The following UBASH3A variants were observed in gnomAD, a reference collection of about 807,000 sequenced individuals.
The protein encoded by UBASH3A is ubiquitin-associated and SH3 domain-containing protein A.
Under a neutral mutation model 73.5 loss-of-function variants are expected in UBASH3A, and 63 were observed. That is an observed-to-expected ratio of 0.86 (90% confidence interval 0.70 to 1.06). The LOEUF (loss-of-function observed/expected upper bound fraction) is 1.06, where lower values mean the gene tolerates loss of function less well. UBASH3A is among the 50% of genes least tolerant of loss of function. The pLI is 0.00. For synonymous variants in UBASH3A, 363 were observed against 351.1 expected (o/e 1.03, Z -0.38); for missense variants, 860 against 859.0 (o/e 1.00, Z -0.02).
rs955202247 is a variant in UBASH3A, at chr21:42,425,581, C to T, written c.1047-1116C>T. Among the ~76,000 whole-genome samples the T allele has an allele frequency of 6.6e-5, 10 of 152,342 alleles. No individual in the cohort carries two copies. The South Asian group carries it at 1.7e-3, about 25-fold the overall frequency. On this transcript the variant is annotated intron_variant, in intron 7 of 14. Transcript: ENST00000319294. ...TTAGGATCAACTCAAGTGTGCATTTCCTATCTAATGGCATCTGACAGCTTG... is the reference window on the plus strand; with the variant it reads ...TTAGGATCAACTCAAGTGTGCATTTTCTATCTAATGGCATCTGACAGCTTG...
Position 42,413,207 on chromosome 21 carries a change from G to A in UBASH3A, c.538G>A (p.Ala180Thr). Reference sequence around the variant, plus strand: ...ATTCGCCATGACCTTCGCCACGGAAGCATCTCTCTTAGCAGGTGGGCAGCC... The same window carrying A: ...ATTCGCCATGACCTTCGCCACGGAAACATCTCTCTTAGCAGGTGGGCAGCC... ...REFAMTFATE[A>T]SLLAGTSVSR... Residue 180 changes from alanine to threonine, a missense_variant, in exon 4 of 15, where the codon GCA (alanine) becomes ACA (threonine). By Grantham distance (58) the Ala-to-Thr change is moderately conservative. Coordinates refer to ENST00000319294, the MANE Select transcript of UBASH3A (RefSeq NM_018961.4). The surrounding 1 kb of genome is among the most constrained non-coding windows in gnomAD (Gnocchi z 4.5). The A allele has an allele frequency of 6.2e-7, 1 of 1,614,204 alleles. No homozygotes were observed. Among genetic ancestry groups the A allele is most frequent in the Non-Finnish European group, 8.5e-7 (1 of 1,180,034 alleles).
Position 42,404,007 on chromosome 21 carries a change from GC to G in UBASH3A, c.66del (p.Ser23ArgfsTer17). 1.3e-6 allele frequency: 2 copies of G among 1,529,146 alleles called. No individual in the cohort carries two copies. Among genetic ancestry groups the G allele is most frequent in the Non-Finnish European group, 1.8e-6 (2 of 1,134,358 alleles). 94.7% of individuals were successfully genotyped at this position (1,529,146 alleles called of 1,614,324 possible). On this transcript the variant is annotated frameshift_variant, in exon 1 of 15. Coordinates refer to ENST00000319294, the MANE Select transcript of UBASH3A (RefSeq NM_018961.4). LOFTEE classifies it high-confidence loss of function. Reference sequence around the variant, plus strand: ...TCCAACAAGCTCAAGAGCCGCAGCAGCCCCTCGCTCCTGGAGCCCCTCCTGG... The same window carrying G: ...TCCAACAAGCTCAAGAGCCGCAGCAGCCCTCGCTCCTGGAGCCCCTCCTGG... ...KVSNKLKSRSSPSLLEPLLAM... is the reference protein window; with the variant it reads ...KVSNKLKSRSXPSLLEPLLAM...
intron 12 of UBASH3A, 63 bp downstream of exon 12, chr21:42,442,659 A>T (rs1250454073): frequency 1.3e-6 from 2 of 1,533,172 alleles, no homozygotes; most frequent in African/African-American, 2.8e-5. Context: ...GAAAAATTTC[A>T]TGACACTGTT....
Position 42,426,819 on chromosome 21 carries a change from A to G in UBASH3A, c.1169A>G (p.Gln390Arg). The G allele has an allele frequency of 6.2e-7, 1 of 1,613,678 alleles. No individual in the cohort carries two copies. Among genetic ancestry groups the G allele is most frequent in the Non-Finnish European group, 8.5e-7 (1 of 1,179,800 alleles). ...AGTCTTAGCAGCTTACAGGCCTTGC[A>G]GGTAATAGAACATTCCCTTTTTTCT... The part of the protein sequence containing the change: ...ARSLSSLQAL[Q>R]ATVARKSVLV... The change falls in exon 8 of 15, where the codon CAG becomes CGG. Residue 390 changes from glutamine to arginine, a missense_variant and splice_region_variant. By Grantham distance (43) the Gln-to-Arg change is conservative. Transcript: ENST00000319294.
chr21:42,418,548 G>T lies in UBASH3A; in HGVS notation c.985G>T (p.Gly329Cys). The T allele has an allele frequency of 1.2e-6, 2 of 1,614,170 alleles. No homozygotes were observed. The highest frequency in any genetic ancestry group is 1.7e-6 in the Non-Finnish European group (2 of 1,180,026). The change falls in exon 7 of 15, where the codon GGC becomes TGC. Residue 329 changes from glycine to cysteine, a missense_variant. Gly to Cys is a radical substitution (Grantham distance 159). Coordinates refer to ENST00000319294, the MANE Select transcript of UBASH3A (RefSeq NM_018961.4). ...IGISQRTGCR[G>C]FLPENYTDRA... The stretch of plus-strand genomic sequence containing the variant: ...GATCTCACAGCGGACGGGCTGCCGG[G>T]GCTTCCTGCCGGAAAACTACACGGA...
chr21:42,410,069 G>A, intron 3 of UBASH3A: 1 of 702,088 alleles, frequency 1.4e-6, no homozygotes, highest in Admixed American at 2.0e-5. Flanking sequence ...ACTCAAGGAT[G>A]GGTGATTGTT....
Position 42,409,562 on chromosome 21 carries a change from G to C in UBASH3A, c.308G>C (p.Arg103Thr). 1 of 1,614,088 alleles carries C rather than the reference G, an allele frequency of 6.2e-7. No homozygotes were observed. The highest frequency in any genetic ancestry group is 8.5e-7 in the Non-Finnish European group (1 of 1,180,014). Residue 103 changes from arginine to threonine, a missense_variant, in exon 3 of 15, where the codon AGA (arginine) becomes ACA (threonine). Arg to Thr is a moderately conservative substitution (Grantham distance 71). Coordinates refer to ENST00000319294, the MANE Select transcript of UBASH3A (RefSeq NM_018961.4). ...RESKRQCAKN[R>T]AHEVFPHVTL... is the part of the protein sequence containing the mutation. Reference sequence around the variant, plus strand: ...AGCAAGCGCCAGTGTGCAAAGAACAGAGCTCATGAGGTCTTCCCACACGTG... The same window carrying C: ...AGCAAGCGCCAGTGTGCAAAGAACACAGCTCATGAGGTCTTCCCACACGTG...
Position 42,447,431 on chromosome 21 carries a change from G to A in UBASH3A, c.*237G>A, listed in dbSNP as rs2053863151. On this transcript the variant is annotated 3_prime_UTR_variant, in exon 15 of 15. Coordinates refer to ENST00000319294, the MANE Select transcript of UBASH3A (RefSeq NM_018961.4). ...GGGAGCACAGGGCAGGTGGCTGGGT[G>A]AGGATGCCGCCCTGCAGCATGTACA... 3 of 460,698 alleles carry A rather than the reference G, an allele frequency of 6.5e-6. No homozygotes were observed. The highest frequency in any genetic ancestry group is 4.1e-5 in the Admixed American group (1 of 24,486). 28.5% of individuals were successfully genotyped at this position (460,698 alleles called of 1,614,324 possible).
At chr21:42,443,255 C>G in intron 12 of UBASH3A, 57 bp from the exon 13 acceptor site, 1 of 1,536,422 alleles carries the variant, frequency 6.5e-7, no homozygotes, top group Non-Finnish European at 8.8e-7. Flanking sequence ...TGCAGCTGAG[C>G]CTTCCTAATC....
intron 3 of UBASH3A, among the ~76,000 whole-genome samples, chr21:42,412,094 T>A (rs2053110343): frequency 6.6e-6 from 1 of 152,176 alleles, no homozygotes; most frequent in African/African-American, 2.4e-5. Context: ...GGTGTCTGGG[T>A]TTCCCCTGTG....
intron 13 of UBASH3A, among the ~76,000 whole-genome samples, chr21:42,443,667 G>C (rs1393432429): frequency 7.2e-6 from 1 of 139,358 alleles, no homozygotes; most frequent in Non-Finnish European, 1.5e-5. Flanking sequence ...TGATGGGAGG[G>C]GAATGATCTC....
rs200166504 is a variant in UBASH3A at position 42,444,584 on chromosome 21, C to T, written c.1789C>T (p.Arg597Trp). 1.2e-5 allele frequency: 20 copies of T among 1,614,172 alleles called. No individual in the cohort carries two copies. The highest frequency in any genetic ancestry group is 1.6e-4 in the Middle Eastern group (1 of 6,062). The change falls in exon 14 of 15, where the codon CGG becomes TGG. Residue 597 changes from arginine (R) to tryptophan (W), a missense_variant. Arg to Trp is a moderately radical substitution (Grantham distance 101, BLOSUM62 -3). Coordinates refer to ENST00000319294, the MANE Select transcript of UBASH3A (RefSeq NM_018961.4). ...CGGCTCCACTCTGGACTCCTGCACG[C>T]GGCCACTGCTCGGGCTGCCGCCCCG... ...SHGSTLDSCT[R>W]PLLGLPPREC...
chr21:42,410,991 C>T (rs2053081728), intron 3 of UBASH3A, among the ~76,000 whole-genome samples: 1 of 151,056 alleles, frequency 6.6e-6, no homozygotes, highest in Admixed American at 6.6e-5. Flanking sequence ...TGCATACAGA[C>T]ATACATAGAT....
chr21:42,445,906 C>T (rs2146617611), intron 14 of UBASH3A, among the ~76,000 whole-genome samples: 1 of 152,248 alleles, frequency 6.6e-6, no homozygotes, highest in East Asian at 1.9e-4. Context: ...CTGTCCGGGG[C>T]AGCCCCGGCA....
intron 12 of UBASH3A, 137 bp downstream of exon 12, chr21:42,442,733 G>A: frequency 1.1e-6 from 1 of 937,446 alleles, no homozygotes; most frequent in South Asian, 1.7e-5. Context: ...GCAGGGGAGA[G>A]AGGTGGGGCT....
intron 6 of UBASH3A, among the ~76,000 whole-genome samples, chr21:42,418,020 A>T (rs1362630692): frequency 6.6e-6 from 1 of 150,870 alleles, no homozygotes; most frequent in Non-Finnish European, 1.5e-5. Flanking sequence ...AGTAGCTGGG[A>T]CTACAGGCAC....
At position 42,416,473 on chromosome 21, in the gene UBASH3A, G is replaced by A; in HGVS notation, c.699G>A (p.Leu233=). ...YCSVKPCTKQ[L]HLTLAHKFYP... is the part of the protein sequence containing the mutation. ...CCGTGAAGCCTTGCACCAAACAGCT[G>A]CATCTGACCTTGGCCCACAAGTTCT... Residue 233 remains leucine (L), a synonymous_variant, in exon 6 of 15, where the codon CTG becomes CTA. Coordinates refer to ENST00000319294, the MANE Select transcript of UBASH3A (RefSeq NM_018961.4). The A allele has an allele frequency of 6.3e-7, 1 of 1,599,576 alleles. No homozygotes were observed. Among genetic ancestry groups the A allele is most frequent in the Non-Finnish European group, 8.5e-7 (1 of 1,173,498 alleles).
intron 10 of UBASH3A, chr21:42,435,186 G>A: frequency 2.7e-6 from 1 of 372,428 alleles, no homozygotes; most frequent in Non-Finnish European, 4.8e-6. Flanking sequence ...TCAGGAAGTT[G>A]GCAGGAATGA....
In UBASH3A at chr21:42,443,313, C is replaced by A. The variant is rs1459536026; in HGVS notation, c.1633C>A (p.Pro545Thr). Residue 545 changes from proline (P) to threonine (T), a missense_variant and splice_region_variant, in exon 13 of 15, where the codon CCC becomes ACC. Physicochemically the swap from Pro to Thr is conservative, Grantham distance 38. Coordinates refer to ENST00000319294, the MANE Select transcript of UBASH3A (RefSeq NM_018961.4). Reference sequence around the variant, plus strand: ...AGCCTCTCCTTCTCATCCTTCCAGGCCCGCGTTTCCCCTGTCCGCCCTCAT... The same window carrying A: ...AGCCTCTCCTTCTCATCCTTCCAGGACCGCGTTTCCCCTGTCCGCCCTCAT... ...ANFNIDTDYRPAFPLSALMPA... is the reference protein window; with the variant it reads ...ANFNIDTDYRTAFPLSALMPA... 2 of 1,612,204 alleles carry A rather than the reference C, an allele frequency of 1.2e-6. No individual in the cohort carries two copies. Among genetic ancestry groups the A allele is most frequent in the Non-Finnish European group, 1.7e-6 (2 of 1,178,996 alleles).
Sources: allele counts gnomAD v4.1 joint callset (sites outside exome capture counted in the v4.1 genomes callset), GRCh38; gene constraint gnomAD v4.1.1; non-coding constraint Gnocchi (gnomAD v3.1); transcripts MANE v1.5; gene names NCBI Gene and HGNC (gene_info 2026-07-23, HGNC 2026-07-21).